Variants in INPP4B observed in about 807,000 individuals in gnomAD.
INPP4B encodes the protein inositol polyphosphate 4-phosphatase type II.
A neutral mutation model predicts 122.5 loss-of-function variants in INPP4B; 55 were observed. That is an observed-to-expected ratio of 0.45 (90% CI 0.36 to 0.56). INPP4B has a LOEUF of 0.56. Ranked by LOEUF, INPP4B falls within the 20% of genes least tolerant of loss-of-function variation. INPP4B has a pLI of 0.00. For missense variants in INPP4B, 1,000 were observed against 1,097.7 expected (o/e 0.91, Z 1.26); for synonymous variants, 403 against 388.7 (o/e 1.04, Z -0.43).
intron 7 of INPP4B, among the ~76,000 whole-genome samples, chr4:142,364,845 G>T (rs1412604094): frequency 1.3e-5 from 2 of 152,070 alleles, no homozygotes; most frequent in East Asian, 1.9e-4. Context: ...AGCCCGGGAG[G>T]CAGCAGCAAT....
chr4:142,751,220 G>A (rs1030681323), intron 1 of INPP4B, among the ~76,000 whole-genome samples: 3 of 150,402 alleles, frequency 2.0e-5, no homozygotes, highest in Non-Finnish European at 4.4e-5. Context: ...TGAATTAATG[G>A]GCAAACAGAA....
chr4:142,275,564 T>A (rs1747988758), intron 9 of INPP4B, among the ~76,000 whole-genome samples: 1 of 151,834 alleles, frequency 6.6e-6, no homozygotes. Context: ...GACTGCACCC[T>A]GATGATCTTT....
chr4:142,614,424 T>C (rs1450135894), intron 2 of INPP4B, among the ~76,000 whole-genome samples: 1 of 152,098 alleles, frequency 6.6e-6, no homozygotes, highest in East Asian at 1.9e-4. Flanking sequence ...ATGTAAGACT[T>C]GAAACTATAA....
At chr4:142,751,298 A>C (rs1043961417) in intron 1 of INPP4B, among the ~76,000 whole-genome samples, 1 of 151,714 alleles carries the variant, frequency 6.6e-6, no homozygotes, top group Non-Finnish European at 1.5e-5. Flanking sequence ...AAAAAAAAAA[A>C]AAAAAACAAG....
At chr4:142,339,787 A>G (rs1260023124) in intron 7 of INPP4B, among the ~76,000 whole-genome samples, 1 of 152,200 alleles carries the variant, frequency 6.6e-6, no homozygotes, top group African/African-American at 2.4e-5. Context: ...TCCCTAAGAA[A>G]AAAAGGCAGT....
rs3822141 is a variant in INPP4B at position 142,112,625 on chromosome 4, T to C, written c.2193A>G (p.Leu731=). Residue 731 remains leucine (L), a synonymous_variant, in exon 22 of 26, where the codon CTA becomes CTG. Coordinates refer to ENST00000262992, the MANE Select transcript of INPP4B (RefSeq NM_001101669.3). The part of the protein sequence containing the change: ...LPARMFESLP[L]QIKEGQLLHV... ...GAAGCAACTGTCCTTCTTTAATCTGTAGAGGTAGTGACTCAAACATTCTGG... is the reference window on the plus strand; with the variant it reads ...GAAGCAACTGTCCTTCTTTAATCTGCAGAGGTAGTGACTCAAACATTCTGG... 0.075 allele frequency: 121,097 copies of C among 1,612,854 alleles called. 5,249 individuals carry two copies. The highest frequency in any genetic ancestry group is 0.16 in the South Asian group (14,842 of 90,980).
intron 23 of INPP4B, among the ~76,000 whole-genome samples, chr4:142,098,344 A>G (rs968472436): frequency 2.6e-5 from 4 of 152,124 alleles, no homozygotes; most frequent in African/African-American, 9.7e-5. Flanking sequence ...GAAAACAAAC[A>G]AACAACAACA....
intron 2 of INPP4B, among the ~76,000 whole-genome samples, chr4:142,535,011 C>T (rs1197896217): frequency 6.6e-6 from 1 of 152,142 alleles, no homozygotes; most frequent in Non-Finnish European, 1.5e-5. Context: ...GTTCCAGTCT[C>T]ATGCTTATAT....
intron 2 of INPP4B, among the ~76,000 whole-genome samples, chr4:142,649,913 G>A (rs1752585328): frequency 6.6e-6 from 1 of 152,126 alleles, no homozygotes; most frequent in African/African-American, 2.4e-5. Context: ...ACACATAATT[G>A]TCAGATTCAC....
At chr4:142,703,198 G>A (rs1307687118) in intron 2 of INPP4B, among the ~76,000 whole-genome samples, 1 of 152,162 alleles carries the variant, frequency 6.6e-6, no homozygotes, top group East Asian at 1.9e-4. Flanking sequence ...TAATGTAAAT[G>A]AAACTCTCAC....
intron 25 of INPP4B, among the ~76,000 whole-genome samples, chr4:142,032,750 T>C (rs1197479210): frequency 1.3e-5 from 2 of 152,152 alleles, no homozygotes; most frequent in Non-Finnish European, 2.9e-5. Flanking sequence ...ATCTGTAAAG[T>C]GGTGATAATA....
At chr4:142,128,058 A>G (rs1561219224) in intron 18 of INPP4B, among the ~76,000 whole-genome samples, 2 of 152,110 alleles carry the variant, frequency 1.3e-5, no homozygotes, top group African/African-American at 2.4e-5. Flanking sequence ...GAAAATTAAA[A>G]AAAACCCAAG....
At chr4:142,634,271 A>T (rs1018738604) in intron 2 of INPP4B, among the ~76,000 whole-genome samples, 5 of 152,060 alleles carry the variant, frequency 3.3e-5, no homozygotes, top group African/African-American at 1.2e-4. Flanking sequence ...GACAAAATAC[A>T]CCTCTTTCAC....
At chr4:142,654,388 A>C (rs895478084) in intron 2 of INPP4B, 2 of 150,722 alleles carry the variant, frequency 1.3e-5, no homozygotes, top group Admixed American at 6.6e-5. Flanking sequence ...AAAAAAAAAA[A>C]ACATAAAATG....
At chr4:142,746,156 C>T (rs1285423104) in intron 1 of INPP4B, among the ~76,000 whole-genome samples, 2 of 151,790 alleles carry the variant, frequency 1.3e-5, no homozygotes, top group Non-Finnish European at 2.9e-5. Flanking sequence ...TCTTTAAAAA[C>T]ACATGGGATA....
rs144771526 is a variant in INPP4B, at chr4:142,367,353, C to T, written c.372+35585G>A. ...AATTCCCTAGACTTCCCCCTAATTA[C>T]CTACCTCAGCTTTCACACACAGTTA... On this transcript the variant is annotated intron_variant, in intron 7 of 25. Transcript: ENST00000262992. Among the ~76,000 whole-genome samples, 886 of 151,996 alleles carry T rather than the reference C, an allele frequency of 5.8e-3. 8 individuals carry two copies. Among genetic ancestry groups the T allele is most frequent in the African/African-American group, 0.02 (830 of 41,506 alleles).
chr4:142,744,638 C>A (rs892177210), intron 1 of INPP4B, among the ~76,000 whole-genome samples: 1 of 151,490 alleles, frequency 6.6e-6, no homozygotes, highest in African/African-American at 2.4e-5. Flanking sequence ...CTTTAACATG[C>A]TGAAAAAATT....
chr4:142,467,341 A>G lies in INPP4B; in HGVS notation c.-190-4615T>C, dbSNP rs1202807259. On this transcript the variant is annotated intron_variant, in intron 2 of 25. Transcript: ENST00000262992. ...CTCAGGCCATGAGAGTCCAGCCCTCACACCAGGATGTGGGACATGAGGTCA... is the reference window on the plus strand; with the variant it reads ...CTCAGGCCATGAGAGTCCAGCCCTCGCACCAGGATGTGGGACATGAGGTCA... Among the ~76,000 whole-genome samples, 3 of 152,186 alleles carry G rather than the reference A, an allele frequency of 2.0e-5. No individual in the cohort carries two copies. The East Asian group carries it at 5.8e-4, about 29-fold the overall frequency.
At chr4:142,832,934 A>T (rs1366249083) in intron 1 of INPP4B, among the ~76,000 whole-genome samples, 1 of 152,232 alleles carries the variant, frequency 6.6e-6, no homozygotes, top group African/African-American at 2.4e-5. Flanking sequence ...AAAACATAAC[A>T]GTGAAGTGTA....
Sources: gnomAD v4.1 joint callset for allele counts (sites outside exome capture counted in the v4.1 genomes callset) on GRCh38, gnomAD v4.1.1 for gene constraint, MANE v1.5 for transcripts, NCBI Gene and HGNC (gene_info 2026-07-23, HGNC 2026-07-21) for gene names.